FBXL2: variants seen among roughly 807,000 people sequenced by gnomAD.
FBXL2 encodes F-box/LRR-repeat protein 2.
In FBXL2, 38 loss-of-function variants were observed where a neutral mutation model predicts 69.2. That is an observed-to-expected ratio of 0.55 (90% confidence interval 0.42 to 0.72). The LOEUF (loss-of-function observed/expected upper bound fraction) is 0.72, where lower values mean the gene tolerates loss of function less well. Among genes scored for constraint, FBXL2 ranks in the 30% least tolerant of loss-of-function variants. The probability of loss-of-function intolerance (pLI) is 0.00; values close to 1 mark genes in which losing one functional copy is unlikely to be tolerated. For missense variants in FBXL2, 354 were observed against 520.3 expected, an observed-to-expected ratio of 0.68 and a Z score of 3.11; for synonymous variants, 192 against 201.3, an observed-to-expected ratio of 0.95 and a Z score of 0.39.
At chr3:33,358,012 C>T (rs952267464) in intron 2 of FBXL2, among the ~76,000 whole-genome samples, 1 of 152,312 alleles carries the variant, frequency 6.6e-6, no homozygotes, top group Non-Finnish European at 1.5e-5. Context: ...TTCTACTCTT[C>T]TTCCCTGAGT....
At chr3:33,335,101 A>T (rs1472362662) in intron 2 of FBXL2, among the ~76,000 whole-genome samples, 2 of 151,146 alleles carry the variant, frequency 1.3e-5, no homozygotes, top group Non-Finnish European at 2.9e-5. Context: ...ACCTTGTCTC[A>T]AATAATAATA....
rs112827148 is a variant in FBXL2 at position 33,364,178 on chromosome 3, A to G, written c.196-447A>G. ...GGGGGAGCTTTTGCAATATATTGTT[A>G]TACTTTTGAAGTGGTAATGCTTAGC... On this transcript the variant is annotated intron_variant, in intron 4 of 14. Transcript: ENST00000484457. 5.7e-4 allele frequency among the ~76,000 whole-genome samples: 87 copies of G among 152,298 alleles called. 1 individual carries two copies. The highest frequency in any genetic ancestry group is 2.0e-3 in the African/African-American group (82 of 41,572).
chr3:33,301,132 A>G lies in FBXL2; in HGVS notation c.65+3407A>G, dbSNP rs190765580. On this transcript the variant is annotated intron_variant, in intron 2 of 14. Coordinates refer to ENST00000484457, the MANE Select transcript of FBXL2 (RefSeq NM_012157.5). Reference sequence around the variant, plus strand: ...AAAGCCCCCACCTCATGAAGCTTAAATCTTTATTATTTTCTGCTCAGTTAA... The same window carrying G: ...AAAGCCCCCACCTCATGAAGCTTAAGTCTTTATTATTTTCTGCTCAGTTAA... 2.9e-3 allele frequency among the ~76,000 whole-genome samples: 447 copies of G among 152,202 alleles called. 1 individual carries two copies. The highest frequency in any genetic ancestry group is 4.1e-3 in the Non-Finnish European group (280 of 68,002).
chr3:33,355,019 C>T (rs1196481708), intron 2 of FBXL2, among the ~76,000 whole-genome samples: 2 of 152,176 alleles, frequency 1.3e-5, no homozygotes, highest in Non-Finnish European at 2.9e-5. Flanking sequence ...GGCTTGACCT[C>T]CCCGGGCTCT....
At chr3:33,332,974 G>A (rs992606014) in intron 2 of FBXL2, among the ~76,000 whole-genome samples, 1 of 152,200 alleles carries the variant, frequency 6.6e-6, no homozygotes, top group Admixed American at 6.5e-5. Context: ...AACATTATAT[G>A]AAGAAATGAA....
At chr3:33,326,083 A>C (rs1208305051) in intron 2 of FBXL2, among the ~76,000 whole-genome samples, 1 of 152,228 alleles carries the variant, frequency 6.6e-6, no homozygotes, top group Non-Finnish European at 1.5e-5. Flanking sequence ...ATCAAACAAC[A>C]AAAGTACATA....
chr3:33,411,717 C>A, the FBXL2 span: 1 of 1,564,618 alleles, frequency 6.4e-7, no homozygotes. Flanking sequence ...TACATAAAAA[C>A]ATCCACTTTA....
intron 1 of FBXL2, 76 bp from the exon 2 acceptor site, chr3:33,297,588 T>C: frequency 1.2e-6 from 1 of 843,810 alleles, no homozygotes; most frequent in South Asian, 1.6e-5. Context: ...TCTGATCTAG[T>C]AGTATAAAAA....
At chr3:33,402,966 T>A (rs1038984048) in intron 12 of FBXL2, 1 of 1,421,316 alleles carries the variant, frequency 7.0e-7, no homozygotes. Context: ...AGAAATATTT[T>A]TGTAATTCAC....
intron 12 of FBXL2, chr3:33,402,723 C>A (rs2044275427): frequency 6.7e-6 from 7 of 1,038,658 alleles, no homozygotes; most frequent in African/African-American, 1.7e-5. Context: ...CAAAAGGCTG[C>A]TGTACATGGA....
downstream of FBXL2, among the ~76,000 whole-genome samples, chr3:33,404,485 T>TAAAAAAA (rs147464429): frequency 6.9e-6 from 1 of 144,366 alleles, no homozygotes; most frequent in Non-Finnish European, 1.5e-5. Flanking sequence ...ATAATAGGAT[T>TAAAAAAA]AAAAAAAAAA....
At chr3:33,418,371 T>C in the FBXL2 span, among the ~76,000 whole-genome samples, 9 of 152,032 alleles carry the variant, frequency 5.9e-5, no homozygotes, top group East Asian at 1.8e-3. Flanking sequence ...CTCCCTGCCT[T>C]GGACTCCTGA....
chr3:33,362,476 G>C (rs2041692526), intron 4 of FBXL2, among the ~76,000 whole-genome samples: 1 of 151,096 alleles, frequency 6.6e-6, no homozygotes, highest in Non-Finnish European at 1.5e-5. Flanking sequence ...CACTGAAATG[G>C]ATTTGCATTT....
intron 2 of FBXL2, among the ~76,000 whole-genome samples, chr3:33,310,348 C>T (rs2037081050): frequency 6.6e-6 from 1 of 151,886 alleles, no homozygotes; most frequent in South Asian, 2.1e-4. Flanking sequence ...GATGGGGTTT[C>T]ACCATTGTTA....
chr3:33,323,769 A>ATGTG (rs1162189327), intron 2 of FBXL2, among the ~76,000 whole-genome samples: 4 of 152,124 alleles, frequency 2.6e-5, no homozygotes, highest in Non-Finnish European at 5.9e-5. Context: ...CAATAAACAT[A>ATGTG]TGTGTGTATG....
chr3:33,368,920 C>T (rs2042120125), intron 5 of FBXL2, among the ~76,000 whole-genome samples: 1 of 151,896 alleles, frequency 6.6e-6, no homozygotes, highest in African/African-American at 2.4e-5. Context: ...ACAATCTTTG[C>T]TTTTTAATTT....
chr3:33,286,682 C>T (rs984345336), intron 1 of FBXL2, among the ~76,000 whole-genome samples: 3 of 152,224 alleles, frequency 2.0e-5, no homozygotes, highest in Admixed American at 1.3e-4. Flanking sequence ...GCAGTGGGCT[C>T]CGCCCAGTTC....
intron 9 of FBXL2, 56 bp from the exon 10 acceptor site, chr3:33,375,232 C>T: frequency 6.3e-7 from 1 of 1,585,790 alleles, no homozygotes; most frequent in South Asian, 1.1e-5. Flanking sequence ...TCTGCTGCTC[C>T]CGTTTTGGTA....
intron 1 of FBXL2, among the ~76,000 whole-genome samples, chr3:33,279,713 CTA>C (rs1463144528): frequency 1.3e-5 from 2 of 152,016 alleles, no homozygotes; most frequent in East Asian, 1.9e-4. Context: ...TATTTCTACT[CTA>C]TAATAATAAT....
Sources: gnomAD v4.1 joint callset for allele counts (sites outside exome capture counted in the v4.1 genomes callset) on GRCh38, gnomAD v4.1.1 for gene constraint, MANE v1.5 for transcripts, NCBI Gene and HGNC (gene_info 2026-07-23, HGNC 2026-07-21) for gene names.